The following ESAM variants were observed in gnomAD, a reference collection of about 807,000 sequenced individuals.
ESAM encodes the protein endothelial cell adhesion molecule.
ESAM carries 23 observed loss-of-function variants against 31.8 expected under a neutral mutation model. The ratio of observed to expected loss-of-function variants is 0.72; its 90% CI spans 0.52 to 1.03. The LOEUF (loss-of-function observed/expected upper bound fraction) is 1.03. ESAM is among the 50% of genes least tolerant of loss of function. The probability of loss-of-function intolerance (pLI) is 0.00; values close to 1 mark genes in which losing one functional copy is unlikely to be tolerated. For missense variants in ESAM, 478 were observed against 488.9 expected, an observed-to-expected ratio of 0.98 and a Z score of 0.21; for synonymous variants, 216 against 207.2, an observed-to-expected ratio of 1.04 and a Z score of -0.37.
chr11:124,756,338 C>T lies in ESAM; in HGVS notation c.476G>A (p.Arg159His), dbSNP rs757435206. The change falls in exon 4 of 7, where the codon CGT becomes CAT. Residue 159 changes from arginine to histidine, a missense_variant. Transcript: ENST00000278927. The stretch of plus-strand genomic sequence containing the variant: ...CCCCACATGGGGCACACCCTGGAGA[C>T]GGCAGGATGGAGGAGCTGGAGGAAC... The part of the protein sequence containing the change: ...VLVPPAPPSC[R>H]LQGVPHVGAN... The T allele has an allele frequency of 4.2e-5, 67 of 1,608,392 alleles. No individual in the cohort carries two copies. Among genetic ancestry groups the T allele is most frequent in the South Asian group, 1.8e-4 (16 of 90,296 alleles).
chr11:124,758,243 T>G (rs1944179533), intron 2 of ESAM, 106 bp downstream of exon 2: 8 of 1,342,208 alleles, frequency 6.0e-6, no homozygotes, highest in Non-Finnish European at 7.3e-6. Flanking sequence ...TGAAACTCCT[T>G]CCCCGGCCCC....
Position 124,754,373 on chromosome 11 carries a change from C to G in ESAM, c.731-33G>C. The G allele has an allele frequency of 3.7e-6, 6 of 1,611,000 alleles. No individual in the cohort carries two copies. The highest frequency in any genetic ancestry group is 5.1e-6 in the Non-Finnish European group (6 of 1,178,610). On this transcript the variant is annotated intron_variant, in intron 5 of 6. Transcript: ENST00000278927. The surrounding 1 kb of genome is among the most constrained non-coding windows in gnomAD (Gnocchi z 4.5). ...AGGCGTCGTGTCAGAGGAGGACACC[C>G]AGCTGAGGGGTTCTCACCCCTCTCC...
Position 124,753,833 on chromosome 11 carries a change from C to T in ESAM, c.986G>A (p.Gly329Asp), listed in dbSNP as rs747622641. Residue 329 changes from glycine (G) to aspartate (D), a missense_variant, in exon 7 of 7, where the codon GGT (glycine) becomes GAT (aspartate). Coordinates refer to ENST00000278927, the MANE Select transcript of ESAM (RefSeq NM_138961.3). ...GAGACTGGGCGTGGGGGTCAATGCA[C>T]CAGGCCTGGGAGGGCCATGGGGTGG... ...LRPPHGPPRP[G>D]ALTPTPSLSS... 1.9e-5 allele frequency: 31 copies of T among 1,613,318 alleles called. No individual in the cohort carries two copies. In the Admixed American group the frequency reaches 5.0e-4, roughly 26 times the overall value.
At position 124,753,591 on chromosome 11, in the gene ESAM, G is replaced by A. The variant is rs1944116756; in HGVS notation, c.*55C>T. The A allele has an allele frequency of 5.6e-6, 9 of 1,593,434 alleles. No individual in the cohort carries two copies. On this transcript the variant is annotated 3_prime_UTR_variant, in exon 7 of 7. Transcript: ENST00000278927. ...TGACTCAGGCCTCTGTGCTAGAGGTGACCCTTATAGGAAGGAGAGACCCCA... is the reference window on the plus strand; with the variant it reads ...TGACTCAGGCCTCTGTGCTAGAGGTAACCCTTATAGGAAGGAGAGACCCCA...
intron 2 of ESAM, among the ~76,000 whole-genome samples, chr11:124,758,078 C>T (rs1404836069): frequency 1.3e-5 from 2 of 152,102 alleles, no homozygotes; most frequent in Non-Finnish European, 1.5e-5. Flanking sequence ...TTCTTCCCCT[C>T]CTCCTCTCCT....
At chr11:124,760,049 G>A (rs1944209221) in intron 1 of ESAM, among the ~76,000 whole-genome samples, 1 of 152,200 alleles carries the variant, frequency 6.6e-6, no homozygotes, top group African/African-American at 2.4e-5. Flanking sequence ...TCACCTTGTG[G>A]ACCACCAGCG....
At chr11:124,758,208 A>G in intron 2 of ESAM, 141 bp downstream of exon 2, 1 of 901,276 alleles carries the variant, frequency 1.1e-6, no homozygotes, top group Non-Finnish European at 1.7e-6. Flanking sequence ...CAAAAACTGA[A>G]CTGGTGAAGA....
At position 124,754,386 on chromosome 11, in the gene ESAM, C is replaced by G. The variant is rs1474718785; in HGVS notation, c.731-46G>C. ...GAGGAGGACACCCAGCTGAGGGGTTCTCACCCCTCTCCAATCCCACTCTCC... is the reference window on the plus strand; with the variant it reads ...GAGGAGGACACCCAGCTGAGGGGTTGTCACCCCTCTCCAATCCCACTCTCC... On this transcript the variant is annotated intron_variant, in intron 5 of 6. Coordinates refer to ENST00000278927, the MANE Select transcript of ESAM (RefSeq NM_138961.3). This position sits in a 1 kb window ranked among gnomAD's most constrained non-coding sequence, Gnocchi z 4.5. The G allele has an allele frequency of 6.2e-7, 1 of 1,602,438 alleles. No homozygotes were observed. Among genetic ancestry groups the G allele is most frequent in the Admixed American group, 1.7e-5 (1 of 58,994 alleles).
At position 124,754,952 on chromosome 11, in the gene ESAM, C is replaced by T. The variant is rs1286590821; in HGVS notation, c.608-189G>A. 6.6e-6 allele frequency among the ~76,000 whole-genome samples: 1 copy of T among 152,178 alleles called. No homozygotes were observed. Among genetic ancestry groups the T allele is most frequent in the East Asian group, 1.9e-4 (1 of 5,200 alleles). On this transcript the variant is annotated intron_variant, in intron 4 of 6. Coordinates refer to ENST00000278927, the MANE Select transcript of ESAM (RefSeq NM_138961.3). The surrounding 1 kb of genome is among the most constrained non-coding windows in gnomAD (Gnocchi z 4.5). ...TGCAGACTGACTAGTGCAATAACCT[C>T]CATTGTCACTCCTCAGTCAGTGCCC...
rs766107198 is a variant in ESAM at position 124,758,416 on chromosome 11, G to T, written c.182C>A (p.Ser61Tyr). ...GGGCACCTCCCATGGCTGGGATGAA[G>T]ACACCTCCCCGTGCAAGGTGTACCA... ...PAWYTLHGEV[S>Y]SSQPWEVPFV... The change falls in exon 2 of 7, where the codon TCT (serine) becomes TAT (tyrosine). Residue 61 changes from serine (S) to tyrosine (Y), a missense_variant. Coordinates refer to ENST00000278927, the MANE Select transcript of ESAM (RefSeq NM_138961.3). 1 of 1,614,152 alleles carries T rather than the reference G, an allele frequency of 6.2e-7. No individual in the cohort carries two copies. Among genetic ancestry groups the T allele is most frequent in the Non-Finnish European group, 8.5e-7 (1 of 1,180,032 alleles).
At chr11:124,753,982 A>G (rs766588119) in intron 6 of ESAM, 21 bp from the exon 7 acceptor site, 1 of 1,610,386 alleles carries the variant, frequency 6.2e-7, no homozygotes, top group African/African-American at 1.3e-5. Flanking sequence ...AAGAAATAAC[A>G]AGAGGTCAGA....
rs547781736 is a variant in ESAM at position 124,758,272 on chromosome 11, C to G, written c.249+77G>C. On this transcript the variant is annotated intron_variant, in intron 2 of 6. Transcript: ENST00000278927. The stretch of plus-strand genomic sequence containing the variant: ...CGGCCCCCATTCCCTCTCCACCCCT[C>G]CCACCGCTACCAGCTCTTTGCTTAC... 5 of 1,571,616 alleles carry G rather than the reference C, an allele frequency of 3.2e-6. 1 individual carries two copies. The Admixed American group carries it at 5.1e-5, about 16-fold the overall frequency.
rs1169434660 is a variant in ESAM, at chr11:124,754,048, C to T, written c.858-87G>A. On this transcript the variant is annotated intron_variant, in intron 6 of 6. Coordinates refer to ENST00000278927, the MANE Select transcript of ESAM (RefSeq NM_138961.3). The surrounding 1 kb of genome is among the most constrained non-coding windows in gnomAD (Gnocchi z 4.5). The stretch of plus-strand genomic sequence containing the variant: ...ACCTGCTTGGTCTTATATACCACCT[C>T]TGCCTGCACACTTCAGTACTCCTTT... 1 of 1,563,658 alleles carries T rather than the reference C, an allele frequency of 6.4e-7. No individual in the cohort carries two copies. Among genetic ancestry groups the T allele is most frequent in the Non-Finnish European group, 8.7e-7 (1 of 1,149,760 alleles).
chr11:124,755,246 A>G lies in ESAM; in HGVS notation c.608-483T>C, dbSNP rs573191034. Among the ~76,000 whole-genome samples the G allele has an allele frequency of 9.2e-4, 140 of 152,270 alleles. 1 individual carries two copies. Among genetic ancestry groups the G allele is most frequent in the African/African-American group, 3.1e-3 (128 of 41,542 alleles). On this transcript the variant is annotated intron_variant, in intron 4 of 6. Transcript: ENST00000278927. The stretch of plus-strand genomic sequence containing the variant: ...GACTATATGGACTAATCATTATAAC[A>G]GTGAATGTTTAGGGGGGAGGGATAG...
Position 124,753,957 on chromosome 11 carries a change from C to T in ESAM, c.862G>A (p.Asp288Asn). ...GGCAGGGTCCGGGGAGCAATGGCAT[C>T]CTCCCTAGTCATCAAAGAAATAACA... ...LEEPANDIKE[D>N]AIAPRTLPWP... The change falls in exon 7 of 7, where the codon GAT (aspartate) becomes AAT (asparagine). Residue 288 changes from aspartate to asparagine, a missense_variant. Asp to Asn is a conservative substitution (Grantham distance 23). Coordinates refer to ENST00000278927, the MANE Select transcript of ESAM (RefSeq NM_138961.3). 1 of 1,613,088 alleles carries T rather than the reference C, an allele frequency of 6.2e-7. No individual in the cohort carries two copies. The highest frequency in any genetic ancestry group is 1.3e-5 in the African/African-American group (1 of 75,016).
Position 124,762,104 on chromosome 11 carries a change from G to A in ESAM, c.51C>T (p.Phe17=). 1.2e-6 allele frequency: 2 copies of A among 1,610,132 alleles called. No individual in the cohort carries two copies. The highest frequency in any genetic ancestry group is 8.5e-7 in the Non-Finnish European group (1 of 1,178,068). The change falls in exon 1 of 7, where the codon TTC becomes TTT. Residue 17 remains phenylalanine, a synonymous_variant. Transcript: ENST00000278927. The surrounding 1 kb of genome is among the most constrained non-coding windows in gnomAD (Gnocchi z 6.4). ...ACTCACCGAGGGCACTCAGCCCCAG[G>A]AACAAAAACCGCAGCAAGTTGGTCA... The part of the protein sequence containing the change: ...PLVTNLLRFL[F]LGLSALAPPS...
intron 1 of ESAM, among the ~76,000 whole-genome samples, chr11:124,761,632 G>A (rs1286752347): frequency 6.6e-6 from 1 of 152,214 alleles, no homozygotes; most frequent in Admixed American, 6.5e-5. Flanking sequence ...CGAAGTGCGT[G>A]TGTCAAGCCT....
intron 1 of ESAM, among the ~76,000 whole-genome samples, chr11:124,758,956 G>A (rs1343937091): frequency 6.6e-6 from 1 of 152,184 alleles, no homozygotes. Flanking sequence ...GCTGCTCCGG[G>A]CCGCCAGGGT....
chr11:124,758,343 CCT>C lies in ESAM; in HGVS notation c.249+4_249+5del, dbSNP rs1195083950. ...TGCCGCTGGCTGACAGGCGTTCTTCCCTCACCTGATCCTCCTTTTCTTTCTGT... is the reference window on the plus strand; with the variant it reads ...TGCCGCTGGCTGACAGGCGTTCTTCCCACCTGATCCTCCTTTTCTTTCTGT... On this transcript the variant is annotated splice_donor_5th_base_variant and intron_variant, in intron 2 of 6. Coordinates refer to ENST00000278927, the MANE Select transcript of ESAM (RefSeq NM_138961.3). 1 of 1,614,020 alleles carries C rather than the reference CCT, an allele frequency of 6.2e-7. No individual in the cohort carries two copies.
Sources: gnomAD v4.1 joint callset for allele counts (sites outside exome capture counted in the v4.1 genomes callset) on GRCh38, gnomAD v4.1.1 for gene constraint, Gnocchi (gnomAD v3.1) non-coding constraint, MANE v1.5 for transcripts, NCBI Gene and HGNC (gene_info 2026-07-23, HGNC 2026-07-21) for gene names.